Variants in RBFOX1 observed in about 807,000 individuals in gnomAD.
RBFOX1 encodes RNA binding protein fox-1 homolog 1.
RBFOX1 carries 8 observed loss-of-function variants against 57.7 expected under a neutral mutation model. The observed-to-expected ratio is 0.14, with a 90% CI of 0.08 to 0.25. The LOEUF is 0.25. Ranked by LOEUF, RBFOX1 falls within the 10% of genes least tolerant of loss-of-function variation. RBFOX1 has a pLI of 1.00. For missense variants in RBFOX1, 611 were observed against 548.5 expected, an observed-to-expected ratio of 1.11 and a Z score of -1.14; for synonymous variants, 326 against 222.4, an observed-to-expected ratio of 1.47 and a Z score of -4.15.
chr16:7,283,047 G>C (rs2095578373), intron 4 of RBFOX1, among the ~76,000 whole-genome samples: 1 of 152,168 alleles, frequency 6.6e-6, no homozygotes, highest in Non-Finnish European at 1.5e-5. Context: ...TGTGAATTGT[G>C]CTGCTATAAA....
chr16:6,167,816 C>T (rs543648320), intron 1 of RBFOX1, among the ~76,000 whole-genome samples: 136 of 152,146 alleles, frequency 8.9e-4, no homozygotes, highest in Non-Finnish European at 1.7e-3. Flanking sequence ...GTAGGGTGCC[C>T]CATAGCAGGC....
At chr16:6,926,121 C>G (rs577744233) in intron 3 of RBFOX1, among the ~76,000 whole-genome samples, 156 of 152,060 alleles carry the variant, frequency 1.0e-3, no homozygotes, top group Middle Eastern at 3.4e-3. Context: ...GCCTGGCCAA[C>G]ATGATGAAAC....
chr16:5,244,605 G>A (rs1465772516), intron 1 of RBFOX1, among the ~76,000 whole-genome samples: 3 of 152,218 alleles, frequency 2.0e-5, no homozygotes, highest in Non-Finnish European at 4.4e-5. Flanking sequence ...TATTTCCCTG[G>A]CAACAATCTT....
intron 4 of RBFOX1, among the ~76,000 whole-genome samples, chr16:7,249,862 A>C (rs1284501756): frequency 1.3e-5 from 2 of 152,220 alleles, no homozygotes; most frequent in African/African-American, 2.4e-5. Flanking sequence ...CAAATGTTTA[A>C]GCCTTTTGAT....
At chr16:7,585,870 C>T (rs1341368014) in intron 6 of RBFOX1, among the ~76,000 whole-genome samples, 1 of 152,108 alleles carries the variant, frequency 6.6e-6, no homozygotes, top group Admixed American at 6.5e-5. Flanking sequence ...GCAAACCTCC[C>T]CTGCTTCTTG....
rs142537899 is a variant in RBFOX1 at position 7,643,909 on chromosome 16, A to G, written c.758-9906A>G. ...TCTCCCCTATCCCCCAACAAGAAGC[A>G]TATTGAGATCTCTGGGAGGACTGTC... On this transcript the variant is annotated intron_variant, in intron 11 of 15. Coordinates refer to ENST00000550418, the MANE Select transcript of RBFOX1 (RefSeq NM_018723.4). 5.0e-3 allele frequency among the ~76,000 whole-genome samples: 764 copies of G among 152,284 alleles called. 21 individuals are homozygous for G. Among genetic ancestry groups the G allele is most frequent in the East Asian group, 0.04 (205 of 5,174 alleles).
chr16:6,217,075 C>T (rs570546006), intron 1 of RBFOX1, among the ~76,000 whole-genome samples: 1 of 151,788 alleles, frequency 6.6e-6, no homozygotes, highest in African/African-American at 2.4e-5. Flanking sequence ...TAACACAAAG[C>T]TTTGCTAGAT....
intron 3 of RBFOX1, among the ~76,000 whole-genome samples, chr16:6,973,047 G>C (rs12598575): frequency 0.81 from 122,482 of 152,054 alleles, 50,029 homozygotes; most frequent in African/African-American, 0.95. Context: ...AGTAGAATCA[G>C]TTGAACCTGG....
chr16:7,087,613 A>T (rs1441111148), intron 4 of RBFOX1, among the ~76,000 whole-genome samples: 5 of 151,940 alleles, frequency 3.3e-5, no homozygotes, highest in African/African-American at 9.7e-5. Flanking sequence ...AGAGAGAGAG[A>T]GGCAGCCAGA....
intron 2 of RBFOX1, among the ~76,000 whole-genome samples, chr16:5,551,066 C>T (rs1022717389): frequency 2.0e-5 from 3 of 152,132 alleles, no homozygotes; most frequent in African/African-American, 7.2e-5. Context: ...GTCCTAAATA[C>T]CCACTGCATG....
intron 1 of RBFOX1, among the ~76,000 whole-genome samples, chr16:5,373,778 A>T (rs979464597): frequency 1.3e-5 from 2 of 151,526 alleles, no homozygotes; most frequent in Non-Finnish European, 2.9e-5. Context: ...TAATTTTTGC[A>T]CTTTTAATAG....
chr16:6,578,760 A>T (rs1201880340), intron 2 of RBFOX1, among the ~76,000 whole-genome samples: 3 of 152,170 alleles, frequency 2.0e-5, no homozygotes, highest in African/African-American at 7.2e-5. Flanking sequence ...AGTGGGATCA[A>T]AGTAAAATAG....
chr16:7,122,651 A>G (rs1440424744), intron 4 of RBFOX1, among the ~76,000 whole-genome samples: 1 of 152,120 alleles, frequency 6.6e-6, no homozygotes, highest in Non-Finnish European at 1.5e-5. Flanking sequence ...CATTCTTAAA[A>G]CATTTTGACA....
intron 3 of RBFOX1, among the ~76,000 whole-genome samples, chr16:6,664,315 G>A (rs1054311785): frequency 6.6e-6 from 1 of 152,098 alleles, no homozygotes; most frequent in Non-Finnish European, 1.5e-5. Flanking sequence ...TTCCTCTTGG[G>A]CATGGCTCTC....
chr16:5,315,963 C>T (rs1442428221), intron 1 of RBFOX1, among the ~76,000 whole-genome samples: 3 of 152,142 alleles, frequency 2.0e-5, no homozygotes, highest in Non-Finnish European at 4.4e-5. Context: ...ACAGGTGCCA[C>T]CTGACCCCTG....
chr16:7,444,905 G>C (rs986166252), intron 4 of RBFOX1, among the ~76,000 whole-genome samples: 5 of 152,116 alleles, frequency 3.3e-5, no homozygotes, highest in African/African-American at 4.8e-5. Flanking sequence ...GTTACTACGC[G>C]TAACAGCTTA....
chr16:6,395,779 T>C (rs1014144), intron 2 of RBFOX1, among the ~76,000 whole-genome samples: 44,630 of 151,930 alleles, frequency 0.29, 6,924 homozygotes, highest in African/African-American at 0.39. Context: ...TTTTTTAACA[T>C]GAGGGCCTTG....
At chr16:6,292,119 G>T (rs73521156) in intron 1 of RBFOX1, among the ~76,000 whole-genome samples, 20,800 of 152,192 alleles carry the variant, frequency 0.14, 1,733 homozygotes, top group Non-Finnish European at 0.17. Flanking sequence ...TAGAAGCCAG[G>T]CATGGTGGCA....
At chr16:5,640,275 GGTC>G (rs758654218) in intron 3 of RBFOX1, among the ~76,000 whole-genome samples, 8 of 152,126 alleles carry the variant, frequency 5.3e-5, no homozygotes, top group Non-Finnish European at 1.2e-4. Context: ...TTTAGCCATC[GGTC>G]TGAAAGTACT....
Sources: gnomAD v4.1 joint callset for allele counts (sites outside exome capture counted in the v4.1 genomes callset) on GRCh38, gnomAD v4.1.1 for gene constraint, MANE v1.5 for transcripts, NCBI Gene and HGNC (gene_info 2026-07-23, HGNC 2026-07-21) for gene names.